The following AGBL5 variants were observed in gnomAD, a reference collection of about 807,000 sequenced individuals.
AGBL5 encodes cytosolic carboxypeptidase-like protein 5.
Under a neutral mutation model 88.0 loss-of-function variants are expected in AGBL5, and 51 were observed. The ratio of observed to expected loss-of-function variants is 0.58; its 90% CI spans 0.46 to 0.73. The LOEUF (loss-of-function observed/expected upper bound fraction) is 0.73. AGBL5 is among the 30% of genes least tolerant of loss of function. The probability of loss-of-function intolerance (pLI) is 0.00; values close to 1 mark genes in which losing one functional copy is unlikely to be tolerated. For missense variants in AGBL5, 1,031 were observed against 1,162.2 expected, an observed-to-expected ratio of 0.89 and a Z score of 1.64; for synonymous variants, 446 against 438.8, an observed-to-expected ratio of 1.02 and a Z score of -0.21.
chr2:27,051,253 C>A (rs982087439), upstream of AGBL5, among the ~76,000 whole-genome samples: 2 of 152,188 alleles, frequency 1.3e-5, no homozygotes, highest in Non-Finnish European at 2.9e-5. Flanking sequence ...GCTTAGCATG[C>A]GAGAGGTAGC....
At chr2:27,068,228 C>G (rs555054746) in intron 12 of AGBL5, among the ~76,000 whole-genome samples, 3 of 152,334 alleles carry the variant, frequency 2.0e-5, no homozygotes, top group Admixed American at 2.0e-4. Flanking sequence ...CTGGGTAGAG[C>G]TGACTTGATC....
intron 9 of AGBL5, 108 bp downstream of exon 9, chr2:27,057,546 T>C (rs1207381411): frequency 7.8e-7 from 1 of 1,281,628 alleles, no homozygotes; most frequent in African/African-American, 1.5e-5. Context: ...TTCATCACTA[T>C]GGCCGTCTCA....
chr2:27,068,481 A>G, intron 12 of AGBL5, 151 bp from the exon 13 acceptor site: 1 of 636,682 alleles, frequency 1.6e-6, no homozygotes, highest in East Asian at 2.8e-5. Context: ...GGATGCTGCG[A>G]AACATCCTAC....
At chr2:27,051,135 C>T (rs1306236896), upstream of AGBL5, 1 of 152,068 alleles carries the variant, frequency 6.6e-6, no homozygotes, top group Non-Finnish European at 1.5e-5. Flanking sequence ...AAATAAATGT[C>T]CTGAACTGTG....
In AGBL5 at chr2:27,053,640, T is replaced by G. The variant is rs2148269690; in HGVS notation, c.387+67T>G. Reference sequence around the variant, plus strand: ...AAGTAGAGAGGAAAGTAAAGCGTTTTTTTTTCCTTGATACAAGTATGAAGC... The same window carrying G: ...AAGTAGAGAGGAAAGTAAAGCGTTTGTTTTTCCTTGATACAAGTATGAAGC... On this transcript the variant is annotated intron_variant, in intron 3 of 14. Coordinates refer to ENST00000360131, the MANE Select transcript of AGBL5 (RefSeq NM_021831.6). The surrounding 1 kb of genome is among the most constrained non-coding windows in gnomAD (Gnocchi z 4.9). 1 of 1,541,992 alleles carries G rather than the reference T, an allele frequency of 6.5e-7. No individual in the cohort carries two copies. Among genetic ancestry groups the G allele is most frequent in the East Asian group, 2.3e-5 (1 of 44,284 alleles).
intron 7 of AGBL5, 83 bp from the exon 8 acceptor site, chr2:27,056,540 A>G (rs954327332): frequency 1.6e-6 from 2 of 1,264,152 alleles, no homozygotes; most frequent in Middle Eastern, 1.9e-4. Flanking sequence ...GTATTAAGTC[A>G]CATGGTCACA....
intron 11 of AGBL5, among the ~76,000 whole-genome samples, chr2:27,064,376 A>G (rs1572830590): frequency 6.6e-6 from 1 of 151,258 alleles, no homozygotes; most frequent in African/African-American, 2.4e-5. Context: ...GCTCACTCCA[A>G]CCTTCGTGTC....
At chr2:27,056,580 C>T (rs1196775729) in intron 7 of AGBL5, 43 bp from the exon 8 acceptor site, 1 of 1,542,292 alleles carries the variant, frequency 6.5e-7, no homozygotes, top group Non-Finnish European at 8.8e-7. Flanking sequence ...GCACCTTGTC[C>T]CTTCTGTCTC....
At chr2:27,066,171 T>C (rs553930364) in intron 11 of AGBL5, among the ~76,000 whole-genome samples, 30 of 151,492 alleles carry the variant, frequency 2.0e-4, no homozygotes, top group South Asian at 2.1e-4. Context: ...GAGGTCAAGT[T>C]TGTAGTGAGC....
chr2:27,054,255 C>A, intron 4 of AGBL5, 196 bp downstream of exon 4: 2 of 624,252 alleles, frequency 3.2e-6, no homozygotes, highest in Non-Finnish European at 5.2e-6. Context: ...CGACACCTGC[C>A]CTCCACTCTT....
chr2:27,056,267 GA>G, intron 7 of AGBL5, 129 bp downstream of exon 7: 1 of 1,000,594 alleles, frequency 1.0e-6, no homozygotes, highest in Non-Finnish European at 1.4e-6. Context: ...GACTACCTCT[GA>G]AAAAGCTTTG....
upstream of AGBL5, among the ~76,000 whole-genome samples, chr2:27,050,850 G>T (rs957234107): frequency 6.6e-6 from 1 of 152,210 alleles, no homozygotes; most frequent in Non-Finnish European, 1.5e-5. Flanking sequence ...TAGGTCGCTG[G>T]TTCGATTCCG....
At position 27,053,852 on chromosome 2, in the gene AGBL5, G is replaced by A. The variant is rs1668296531; in HGVS notation, c.388-44G>A. ...GTGGTCCCAGTAGGAGCTCAGTTCT[G>A]ACAATGGCATGTTGCCCCTCCCTCT... On this transcript the variant is annotated intron_variant, in intron 3 of 14. Coordinates refer to ENST00000360131, the MANE Select transcript of AGBL5 (RefSeq NM_021831.6). The surrounding 1 kb of genome is among the most constrained non-coding windows in gnomAD (Gnocchi z 4.9). 8 of 1,581,584 alleles carry A rather than the reference G, an allele frequency of 5.1e-6. No homozygotes were observed. The highest frequency in any genetic ancestry group is 6.9e-6 in the Non-Finnish European group (8 of 1,160,272).
At chr2:27,058,211 T>C (rs537798912) in intron 9 of AGBL5, among the ~76,000 whole-genome samples, 189 bp from the exon 10 acceptor site, 3 of 152,272 alleles carry the variant, frequency 2.0e-5, no homozygotes, top group Admixed American at 2.0e-4. Flanking sequence ...GGCCCCCAAA[T>C]TGGCGGTAGT....
intron 8 of AGBL5, 185 bp downstream of exon 8, chr2:27,056,977 C>G: frequency 6.6e-6 from 4 of 603,218 alleles, no homozygotes; most frequent in Non-Finnish European, 1.0e-5. Context: ...GCCTGGGCAA[C>G]AAGAGCGAAA....
Position 27,069,951 on chromosome 2 carries a change from A to G in AGBL5, c.2490-141A>G, listed in dbSNP as rs1360997204. 3.3e-5 allele frequency: 50 copies of G among 1,497,604 alleles called. No individual in the cohort carries two copies. In the East Asian group the frequency reaches 1.0e-3, roughly 31 times the overall value. 92.8% of individuals were successfully genotyped at this position (1,497,604 alleles called of 1,614,324 possible). ...TAGGAGCTGGCTGGTTCCAGCGTCAAACCACTGTGCAGTAACCAACTTGCC... is the reference window on the plus strand; with the variant it reads ...TAGGAGCTGGCTGGTTCCAGCGTCAGACCACTGTGCAGTAACCAACTTGCC... On this transcript the variant is annotated intron_variant, in intron 14 of 14. Coordinates refer to ENST00000360131, the MANE Select transcript of AGBL5 (RefSeq NM_021831.6).
chr2:27,057,525 TTGAAGA>T, intron 9 of AGBL5, 87 bp downstream of exon 9: 1 of 1,437,824 alleles, frequency 7.0e-7, no homozygotes. Flanking sequence ...CTAAGGTCCT[TTGAAGA>T]GATATTCATC....
chr2:27,061,476 C>T (rs997208448), intron 11 of AGBL5, among the ~76,000 whole-genome samples: 2 of 152,072 alleles, frequency 1.3e-5, no homozygotes, highest in Non-Finnish European at 1.5e-5. Flanking sequence ...ACCTCGTGAT[C>T]GCCTGCCTCG....
In AGBL5 at chr2:27,070,483, C is replaced by CA. The variant is rs1474092972; in HGVS notation, c.*228dup. On this transcript the variant is annotated 3_prime_UTR_variant, in exon 15 of 15. Transcript: ENST00000360131. ...TCCGCAGCACAAGATTTTGGGACCACAAAAAAAAGTCTATATTTTTATATT... is the reference window on the plus strand; with the variant it reads ...TCCGCAGCACAAGATTTTGGGACCACAAAAAAAAAGTCTATATTTTTATATT... The CA allele has an allele frequency of 7.1e-5, 36 of 508,700 alleles. No individual in the cohort carries two copies. The highest frequency in any genetic ancestry group is 1.8e-4 in the East Asian group (6 of 32,876). The allele number at this position is 508,700 out of a possible 1,614,324, so 31.5% of individuals were successfully genotyped here.
Sources: gnomAD v4.1 joint callset for allele counts (sites outside exome capture counted in the v4.1 genomes callset) on GRCh38, gnomAD v4.1.1 for gene constraint, Gnocchi (gnomAD v3.1) non-coding constraint, MANE v1.5 for transcripts, NCBI Gene and HGNC (gene_info 2026-07-23, HGNC 2026-07-21) for gene names.